Variants in CTNNA3 observed in about 807,000 individuals in gnomAD.
CTNNA3 encodes the protein catenin alpha 3.
In CTNNA3, 76 loss-of-function variants were observed where a neutral mutation model predicts 95.7. The ratio of observed to expected loss-of-function variants is 0.79; its 90% CI spans 0.66 to 0.96. CTNNA3 has a LOEUF of 0.96. Among genes scored for constraint, CTNNA3 ranks in the 40% least tolerant of loss-of-function variants. The pLI, the probability that CTNNA3 is intolerant of heterozygous loss-of-function variation, is 0.00. For synonymous variants in CTNNA3, 431 were observed against 374.4 expected, an observed-to-expected ratio of 1.15 and a Z score of -1.74; for missense variants, 1,191 against 1,089.8, an observed-to-expected ratio of 1.09 and a Z score of -1.31.
chr10:67,422,356 A>G (rs969256639), intron 5 of CTNNA3, among the ~76,000 whole-genome samples: 10 of 152,204 alleles, frequency 6.6e-5, no homozygotes, highest in African/African-American at 2.4e-4. Context: ...TACTCTCAAA[A>G]AGTCCAGAAG....
chr10:67,109,192 G>T (rs1305019189), intron 7 of CTNNA3, among the ~76,000 whole-genome samples: 6 of 152,082 alleles, frequency 3.9e-5, no homozygotes, highest in African/African-American at 1.4e-4. Context: ...AAATGAATGA[G>T]AATTAGGTTA....
intron 13 of CTNNA3, among the ~76,000 whole-genome samples, chr10:66,125,461 A>G (rs1228213519): frequency 6.6e-6 from 1 of 152,218 alleles, no homozygotes; most frequent in Non-Finnish European, 1.5e-5. Flanking sequence ...TAAGAAAAGT[A>G]TAAGTTATAT....
In CTNNA3 at chr10:67,361,048, G is replaced by A. The variant is rs558660292; in HGVS notation, c.580-141178C>T. Reference sequence around the variant, plus strand: ...AGAACAAAGAAGGGTATTACATAATGATAAAGTGTTCAATTCAACAAGAAG... The same window carrying A: ...AGAACAAAGAAGGGTATTACATAATAATAAAGTGTTCAATTCAACAAGAAG... On this transcript the variant is annotated intron_variant, in intron 5 of 17. Coordinates refer to ENST00000433211, the MANE Select transcript of CTNNA3 (RefSeq NM_013266.4). Among the ~76,000 whole-genome samples, 105 of 150,996 alleles carry A rather than the reference G, an allele frequency of 7.0e-4. 3 individuals are homozygous for A. The South Asian group carries it at 0.02, about 29-fold the overall frequency.
At chr10:67,119,640 T>C (rs1020024353) in intron 7 of CTNNA3, among the ~76,000 whole-genome samples, 4 of 152,052 alleles carry the variant, frequency 2.6e-5, no homozygotes, top group Admixed American at 1.3e-4. Flanking sequence ...TTTTAGTATC[T>C]ATGGGTTTTT....
chr10:66,509,881 TG>T (rs1358454706), intron 11 of CTNNA3, among the ~76,000 whole-genome samples: 1 of 152,002 alleles, frequency 6.6e-6, no homozygotes, highest in Non-Finnish European at 1.5e-5. Context: ...ATTGGGTATT[TG>T]GGGTCATTTG....
chr10:66,983,413 G>C (rs1421957095), intron 7 of CTNNA3, among the ~76,000 whole-genome samples: 3 of 152,100 alleles, frequency 2.0e-5, no homozygotes, highest in Non-Finnish European at 4.4e-5. Flanking sequence ...TTGTACGGGT[G>C]CCCAGGCATC....
chr10:67,440,090 C>T (rs1846445460), intron 5 of CTNNA3, among the ~76,000 whole-genome samples: 2 of 152,128 alleles, frequency 1.3e-5, no homozygotes, highest in African/African-American at 4.8e-5. Flanking sequence ...TTACCCTGGG[C>T]CAGAAGGGAG....
At chr10:67,288,040 A>G (rs1839679366) in intron 5 of CTNNA3, among the ~76,000 whole-genome samples, 1 of 152,208 alleles carries the variant, frequency 6.6e-6, no homozygotes, top group South Asian at 2.1e-4. Context: ...ACACCATTAC[A>G]TAACCCATCA....
At chr10:66,830,904 T>C (rs7915138) in intron 7 of CTNNA3, among the ~76,000 whole-genome samples, 110,083 of 152,076 alleles carry the variant, frequency 0.72, 40,043 homozygotes, top group Admixed American at 0.77. Context: ...CCACCGCGCC[T>C]GGCCTACTAA....
At chr10:66,528,720 T>C (rs1008803348) in intron 10 of CTNNA3, among the ~76,000 whole-genome samples, 1 of 152,156 alleles carries the variant, frequency 6.6e-6, no homozygotes, top group Non-Finnish European at 1.5e-5. Context: ...CGGATCATGA[T>C]AGAACCAATA....
At chr10:66,230,449 T>G (rs1248170937) in intron 13 of CTNNA3, among the ~76,000 whole-genome samples, 1 of 152,200 alleles carries the variant, frequency 6.6e-6, no homozygotes, top group African/African-American at 2.4e-5. Context: ...ATATGATTTC[T>G]AAAGCTGTAA....
intron 9 of CTNNA3, among the ~76,000 whole-genome samples, chr10:66,636,458 GGGAGGAGGGA>G (rs1372506930): frequency 6.6e-6 from 1 of 151,962 alleles, no homozygotes; most frequent in African/African-American, 2.4e-5. Flanking sequence ...AGTTCTAGAA[GGGAGGAGGGA>G]GGAGTAAGAA....
intron 13 of CTNNA3, among the ~76,000 whole-genome samples, chr10:66,124,328 C>A (rs2082720140): frequency 6.6e-6 from 1 of 152,184 alleles, no homozygotes; most frequent in African/African-American, 2.4e-5. Context: ...CAGTTCCCAA[C>A]AAGTTCCTCA....
Position 67,749,752 on chromosome 10 carries a change from T to C in CTNNA3, c.-2+13682A>G, listed in dbSNP as rs897357309. 3.9e-5 allele frequency among the ~76,000 whole-genome samples: 6 copies of C among 151,934 alleles called. No individual in the cohort carries two copies. In the South Asian group the frequency reaches 1.2e-3, roughly 32 times the overall value. On this transcript the variant is annotated intron_variant, in intron 1 of 17. Transcript: ENST00000684154. ...ACACCCTAACATCACAACTAAAAGA[T>C]ATAGAGAGGCAGGAGCAAACAAAGC...
chr10:67,231,942 G>A (rs1233458505), intron 5 of CTNNA3, among the ~76,000 whole-genome samples: 2 of 152,192 alleles, frequency 1.3e-5, no homozygotes, highest in African/African-American at 4.8e-5. Flanking sequence ...GAAATGAAGT[G>A]AGAAGGGAAG....
At position 67,710,492 on chromosome 10, in the gene CTNNA3, C is replaced by T. The variant is rs562325413; in HGVS notation, c.-2+52942G>A. Among the ~76,000 whole-genome samples, 12 of 152,236 alleles carry T rather than the reference C, an allele frequency of 7.9e-5. No individual in the cohort carries two copies. The South Asian group carries it at 8.3e-4, about 11-fold the overall frequency. ...AGGATTTTAGCCAAAAAGGGGAGAA[C>T]GTCCCTTTTCTCTCTGAAGCTCCAC... On this transcript the variant is annotated intron_variant, in intron 1 of 17. Transcript: ENST00000684154.
intron 12 of CTNNA3, among the ~76,000 whole-genome samples, chr10:66,354,536 G>T (rs2132402136): frequency 6.6e-6 from 1 of 152,140 alleles, no homozygotes; most frequent in Admixed American, 6.5e-5. Context: ...GTTTGAGGGT[G>T]GGTCATCTAT....
At chr10:66,958,630 G>A (rs938274211) in intron 7 of CTNNA3, among the ~76,000 whole-genome samples, 2 of 152,060 alleles carry the variant, frequency 1.3e-5, no homozygotes, top group Non-Finnish European at 2.9e-5. Context: ...AGCAAAGCAA[G>A]CTTTAACTCA....
intron 5 of CTNNA3, among the ~76,000 whole-genome samples, chr10:67,375,300 G>A (rs1280196201): frequency 6.6e-6 from 1 of 152,104 alleles, no homozygotes; most frequent in Non-Finnish European, 1.5e-5. Context: ...TCAAGGTCAG[G>A]GATGCTCTTA....
Sources: gnomAD v4.1 joint callset for allele counts (sites outside exome capture counted in the v4.1 genomes callset) on GRCh38, gnomAD v4.1.1 for gene constraint, MANE v1.5 for transcripts, NCBI Gene and HGNC (gene_info 2026-07-23, HGNC 2026-07-21) for gene names.